The following HSPA1L variants were observed in gnomAD, a reference collection of about 807,000 sequenced individuals.
HSPA1L encodes the protein heat shock protein family A (Hsp70) member 1 like.
A neutral mutation model predicts 31.5 loss-of-function variants in HSPA1L; 21 were observed. The ratio of observed to expected loss-of-function variants is 0.67; its 90% CI spans 0.47 to 0.96. The LOEUF (loss-of-function observed/expected upper bound fraction) is 0.96, where lower values mean the gene tolerates loss of function less well. HSPA1L is among the 40% of genes least tolerant of loss of function. HSPA1L has a pLI of 0.00. For missense variants in HSPA1L, 709 were observed against 813.4 expected (o/e 0.87, Z 1.56); for synonymous variants, 293 against 323.1 (o/e 0.91, Z 1.00).
At chr6:31,812,440 T>C (rs911319816) in intron 1 of HSPA1L, among the ~76,000 whole-genome samples, 1 of 152,070 alleles carries the variant, frequency 6.6e-6, no homozygotes, top group African/African-American at 2.4e-5. Context: ...CCCAAAGTGC[T>C]GGGATTACAT....
At chr6:31,814,580 A>C in intron 1 of HSPA1L, among the ~76,000 whole-genome samples, 1 of 151,196 alleles carries the variant, frequency 6.6e-6, no homozygotes, top group South Asian at 2.1e-4. Context: ...CCCTCTCCAC[A>C]CCGCAGATTC....
intron 1 of HSPA1L, among the ~76,000 whole-genome samples, chr6:31,814,227 T>C (rs1361890582): frequency 1.3e-5 from 2 of 152,228 alleles, no homozygotes; most frequent in African/African-American, 4.8e-5. Flanking sequence ...GCTACCATCC[T>C]GGCTAACACG....
At position 31,811,238 on chromosome 6, in the gene HSPA1L, C is replaced by T; in HGVS notation, c.735G>A (p.Glu245=). ...FDNRLVSHFV[E]EFKRKHKKDI... The stretch of plus-strand genomic sequence containing the variant: ...CCTTTTTGTGTTTCCTCTTGAACTC[C>T]TCCACGAAGTGGCTCACAAGCCTGT... Residue 245 remains glutamate, a synonymous_variant, in exon 2 of 2, where the codon GAG becomes GAA. Transcript: ENST00000375654. The T allele has an allele frequency of 1.9e-6, 3 of 1,614,142 alleles. No homozygotes were observed. The highest frequency in any genetic ancestry group is 2.5e-6 in the Non-Finnish European group (3 of 1,180,052).
chr6:31,811,008 G>A lies in HSPA1L; in HGVS notation c.965C>T (p.Ala322Val), dbSNP rs768126334. The change falls in exon 2 of 2, where the codon GCG (alanine) becomes GTG (valine). Residue 322 changes from alanine to valine, a missense_variant. Transcript: ENST00000375654. ...CTTATCCATCTTGGCATCCCGAAGCGCTTTTTCTACAGGCTCCAGGGTACC... is the reference window on the plus strand; with the variant it reads ...CTTATCCATCTTGGCATCCCGAAGCACTTTTTCTACAGGCTCCAGGGTACC... ...FRGTLEPVEK[A>V]LRDAKMDKAK... The A allele has an allele frequency of 1.2e-5, 20 of 1,614,028 alleles. No individual in the cohort carries two copies. The highest frequency in any genetic ancestry group is 1.7e-5 in the Admixed American group (1 of 59,988).
In HSPA1L at chr6:31,810,047, T is replaced by C. The variant is rs1815296080; in HGVS notation, c.1926A>G (p.Ter642=). 7.1e-7 allele frequency: 1 copy of C among 1,416,326 alleles called. No individual in the cohort carries two copies. Among genetic ancestry groups the C allele is most frequent in the African/African-American group, 1.5e-5 (1 of 68,174 alleles). 87.7% of individuals were successfully genotyped at this position (1,416,326 alleles called of 1,614,324 possible). A position where few individuals can be genotyped will look rare whatever the true frequency, so the allele number is the denominator to read the frequency against. ...ATGPTIEEVD[*] ...TAGGATGCTTCAGTTCTAAAAAGAATTAATCTACTTCTTCAATTGTGGGGC... is the reference window on the plus strand; with the variant it reads ...TAGGATGCTTCAGTTCTAAAAAGAACTAATCTACTTCTTCAATTGTGGGGC... The change falls in exon 2 of 2, where the codon TAA becomes TAG. Residue 642 remains the stop codon, a stop_retained_variant. Coordinates refer to ENST00000375654, the MANE Select transcript of HSPA1L (RefSeq NM_005527.4).
chr6:31,810,067 T>C lies in HSPA1L; in HGVS notation c.1906A>G (p.Thr636Ala). ...AAGAATTAATCTACTTCTTCAATTG[T>C]GGGGCCTGTGGCAGGCCTTCCAGGC... ...YVPGRPATGP[T>A]IEEVD Residue 636 changes from threonine to alanine, a missense_variant, in exon 2 of 2, where the codon ACA (threonine) becomes GCA (alanine). Coordinates refer to ENST00000375654, the MANE Select transcript of HSPA1L (RefSeq NM_005527.4). 7.0e-7 allele frequency: 1 copy of C among 1,423,888 alleles called. No individual in the cohort carries two copies. The highest frequency in any genetic ancestry group is 9.2e-7 in the Non-Finnish European group (1 of 1,087,928). 88.2% of individuals were successfully genotyped at this position (1,423,888 alleles called of 1,614,324 possible). A position where few individuals can be genotyped will look rare whatever the true frequency, so the allele number is the denominator to read the frequency against.
At position 31,810,581 on chromosome 6, in the gene HSPA1L, A is replaced by T. The variant is rs1815337886; in HGVS notation, c.1392T>A (p.Thr464=). ...DNNLLGRFDL[T]GIPPAPRGVP... is the part of the protein sequence containing the mutation. ...CTCCCCTGGGTGCTGGAGGGATTCC[A>T]GTCAGGTCAAACCGCCCCAGCAGGT... The change falls in exon 2 of 2, where the codon ACT becomes ACA. Residue 464 remains threonine, a synonymous_variant. Coordinates refer to ENST00000375654, the MANE Select transcript of HSPA1L (RefSeq NM_005527.4). The T allele has an allele frequency of 6.2e-7, 1 of 1,613,762 alleles. No individual in the cohort carries two copies. The highest frequency in any genetic ancestry group is 1.3e-5 in the African/African-American group (1 of 74,874).
Position 31,814,988 on chromosome 6 carries a change from G to A in HSPA1L, c.-113C>T, listed in dbSNP as rs908127024. 2.6e-5 allele frequency: 25 copies of A among 969,156 alleles called. No individual in the cohort carries two copies. The highest frequency in any genetic ancestry group is 5.3e-4 in the Middle Eastern group (1 of 1,902). 60.0% of individuals were successfully genotyped at this position (969,156 alleles called of 1,614,324 possible). On this transcript the variant is annotated 5_prime_UTR_variant, in exon 1 of 2. Transcript: ENST00000375654. ...CTCAATATCAAACTGCACAACCGGG[G>A]TCCCCCCACCCCCCACCCCGTCCCT...
Position 31,810,377 on chromosome 6 carries a change from C to T in HSPA1L, c.1596G>A (p.Glu532=). The change falls in exon 2 of 2, where the codon GAG becomes GAA. Residue 532 remains glutamate (E), a synonymous_variant. Coordinates refer to ENST00000375654, the MANE Select transcript of HSPA1L (RefSeq NM_005527.4). The part of the protein sequence containing the change: ...LDAEKYKAED[E]VQREKIAAKN... ...TTGCAGCAATTTTCTCCCTCTGGAC[C>T]TCATCTTCAGCTTTATATTTCTCAG... 1.9e-6 allele frequency: 3 copies of T among 1,611,090 alleles called. No homozygotes were observed. Among genetic ancestry groups the T allele is most frequent in the Non-Finnish European group, 2.5e-6 (3 of 1,178,684 alleles).
Position 31,810,565 on chromosome 6 carries a change from G to A in HSPA1L, c.1408C>T (p.Pro470Ser), listed in dbSNP as rs1387998646. 6.2e-7 allele frequency: 1 copy of A among 1,613,650 alleles called. No homozygotes were observed. ...ACCTCGATCTGAGGAACTCCCCTGGGTGCTGGAGGGATTCCAGTCAGGTCA... is the reference window on the plus strand; with the variant it reads ...ACCTCGATCTGAGGAACTCCCCTGGATGCTGGAGGGATTCCAGTCAGGTCA... ...RFDLTGIPPAPRGVPQIEVTF... is the reference protein window; with the variant it reads ...RFDLTGIPPASRGVPQIEVTF... The change falls in exon 2 of 2, where the codon CCC becomes TCC. Residue 470 changes from proline (P) to serine (S), a missense_variant. Transcript: ENST00000375654.
At position 31,809,726 on chromosome 6, in the gene HSPA1L, G is replaced by C; in HGVS notation, c.*321C>G. The C allele has an allele frequency of 3.2e-6, 1 of 314,226 alleles. No homozygotes were observed. The highest frequency in any genetic ancestry group is 5.0e-5 in the East Asian group (1 of 19,894). The allele number at this position is 314,226 out of a possible 1,614,324, so 19.5% of individuals were successfully genotyped here. ...AGGTACATTCACAGCCTAAATACCA[G>C]AAGTAATTTTCTTTACGAACAAATT... On this transcript the variant is annotated 3_prime_UTR_variant, in exon 2 of 2. Transcript: ENST00000375654.
Position 31,811,392 on chromosome 6 carries a change from T to G in HSPA1L, c.581A>C (p.Glu194Ala). The G allele has an allele frequency of 1.9e-6, 3 of 1,614,118 alleles. No homozygotes were observed. The change falls in exon 2 of 2, where the codon GAA (glutamate) becomes GCA (alanine). Residue 194 changes from glutamate (E) to alanine (A), a missense_variant. Physicochemically the swap from Glu to Ala is moderately radical, Grantham distance 107. Transcript: ENST00000375654. Reference sequence around the variant, plus strand: ...CAGATCAAAAATCAGGACATGTCGTTCTCCTTGACCTCCTTTATCTAAACC... The same window carrying G: ...CAGATCAAAAATCAGGACATGTCGTGCTCCTTGACCTCCTTTATCTAAACC... ...AYGLDKGGQG[E>A]RHVLIFDLGG...
chr6:31,814,719 CCAAT>C (rs1312061858), intron 1 of HSPA1L, among the ~76,000 whole-genome samples, 166 bp downstream of exon 1: 3 of 150,040 alleles, frequency 2.0e-5, no homozygotes, highest in Non-Finnish European at 4.4e-5. Context: ...GCTGCTCCGA[CCAAT>C]CAATCTGAAG....
intron 1 of HSPA1L, among the ~76,000 whole-genome samples, chr6:31,813,635 G>C (rs941881008): frequency 2.0e-5 from 3 of 152,110 alleles, no homozygotes; most frequent in Admixed American, 2.0e-4. Context: ...TCTATCTCTC[G>C]ATGGATACAG....
At chr6:31,812,247 A>T (rs1815479161) in intron 1 of HSPA1L, among the ~76,000 whole-genome samples, 1 of 151,052 alleles carries the variant, frequency 6.6e-6, no homozygotes, top group African/African-American at 2.4e-5. Context: ...GCTCACTGCA[A>T]CCTCCACCTC....
chr6:31,815,059 C>T lies in HSPA1L; in HGVS notation c.-184G>A, dbSNP rs1312819476. ...TCCAACTCAGTAATCTTTTTCCAAA[C>T]TGGCCCATGAGGTCAGAGACAGTAT... On this transcript the variant is annotated 5_prime_UTR_variant, in exon 1 of 2. Transcript: ENST00000375654. 3 of 973,702 alleles carry T rather than the reference C, an allele frequency of 3.1e-6. No homozygotes were observed. The highest frequency in any genetic ancestry group is 3.6e-6 in the Non-Finnish European group (3 of 824,564). The allele number at this position is 973,702 out of a possible 1,614,324, so 60.3% of individuals were successfully genotyped here.
intron 1 of HSPA1L, among the ~76,000 whole-genome samples, chr6:31,813,893 G>T (rs1414335460): frequency 6.6e-6 from 1 of 152,074 alleles, no homozygotes; most frequent in East Asian, 1.9e-4. Flanking sequence ...GTACATTCTG[G>T]TCTCTTCAAG....
rs1815340154 is a variant in HSPA1L at position 31,810,610 on chromosome 6, T to C, written c.1363A>G (p.Asn455Asp). The change falls in exon 2 of 2, where the codon AAC becomes GAC. Residue 455 changes from asparagine (N) to aspartate (D), a missense_variant. Transcript: ENST00000375654. The stretch of plus-strand genomic sequence containing the variant: ...AGGTCAAACCGCCCCAGCAGGTTGT[T>C]GTCCTTTGTCATGGCCCTCTCGCCC... ...YEGERAMTKD[N>D]NLLGRFDLTG... is the part of the protein sequence containing the mutation. The C allele has an allele frequency of 6.2e-7, 1 of 1,614,160 alleles. No individual in the cohort carries two copies. Among genetic ancestry groups the C allele is most frequent in the African/African-American group, 1.3e-5 (1 of 75,026 alleles).
In HSPA1L at chr6:31,810,076, T is replaced by C. The variant is rs1431714253; in HGVS notation, c.1897A>G (p.Thr633Ala). The C allele has an allele frequency of 7.0e-7, 1 of 1,433,378 alleles. No individual in the cohort carries two copies. The highest frequency in any genetic ancestry group is 9.1e-7 in the Non-Finnish European group (1 of 1,093,334). The allele number at this position is 1,433,378 out of a possible 1,614,324, so 88.8% of individuals were successfully genotyped here. ...TCTACTTCTTCAATTGTGGGGCCTG[T>C]GGCAGGCCTTCCAGGCACATACCCT... ...GTGYVPGRPA[T>A]GPTIEEVD The change falls in exon 2 of 2, where the codon ACA becomes GCA. Residue 633 changes from threonine to alanine, a missense_variant. Transcript: ENST00000375654.
Sources: allele counts gnomAD v4.1 joint callset (sites outside exome capture counted in the v4.1 genomes callset), GRCh38; gene constraint gnomAD v4.1.1; transcripts MANE v1.5; gene names NCBI Gene and HGNC (gene_info 2026-07-23, HGNC 2026-07-21).